NEDD4L: variants seen among roughly 807,000 people sequenced by gnomAD.
NEDD4L encodes the protein NEDD4 like E3 ubiquitin protein ligase.
NEDD4L carries 54 observed loss-of-function variants against 148.9 expected under a neutral mutation model. The ratio of observed to expected loss-of-function variants is 0.36; its 90% CI spans 0.29 to 0.45. The LOEUF (loss-of-function observed/expected upper bound fraction) is 0.45, where lower values mean the gene tolerates loss of function less well. Ranked by LOEUF, NEDD4L falls within the 20% of genes least tolerant of loss-of-function variation. The pLI, the probability that NEDD4L is intolerant of heterozygous loss-of-function variation, is 1.00. For missense variants in NEDD4L, 856 were observed against 1,233.8 expected, an observed-to-expected ratio of 0.69 and a Z score of 4.59; for synonymous variants, 433 against 440.7, an observed-to-expected ratio of 0.98 and a Z score of 0.22.
intron 5 of NEDD4L, among the ~76,000 whole-genome samples, chr18:58,267,406 A>G (rs1262212660): frequency 6.6e-6 from 1 of 152,072 alleles, no homozygotes; most frequent in Non-Finnish European, 1.5e-5. Context: ...ACAGTTCCCA[A>G]GGAACTTTGT....
intron 5 of NEDD4L, among the ~76,000 whole-genome samples, chr18:58,312,674 T>A (rs931360172): frequency 2.3e-5 from 3 of 132,378 alleles, no homozygotes; most frequent in African/African-American, 4.3e-5. Flanking sequence ...AAGACATTTT[T>A]TGTTTGTTTG....
intron 2 of NEDD4L, 31 bp downstream of exon 2, chr18:58,165,892 C>T (rs757614226): frequency 6.4e-7 from 1 of 1,552,258 alleles, no homozygotes; most frequent in Middle Eastern, 1.7e-4. Flanking sequence ...TTTCTGTGGA[C>T]TTCTGAAAAA....
At chr18:58,225,402 T>C (rs2044244237) in intron 2 of NEDD4L, among the ~76,000 whole-genome samples, 1 of 152,246 alleles carries the variant, frequency 6.6e-6, no homozygotes, top group Non-Finnish European at 1.5e-5. Flanking sequence ...TGTCCCGCCT[T>C]GGGCAGGGAG....
At chr18:58,191,344 G>T (rs1242352524) in intron 2 of NEDD4L, among the ~76,000 whole-genome samples, 2 of 152,164 alleles carry the variant, frequency 1.3e-5, no homozygotes, top group Non-Finnish European at 2.9e-5. Context: ...CTGATTAGAA[G>T]CCTAATCTCT....
At chr18:58,059,121 A>T (rs1161586021) in intron 1 of NEDD4L, among the ~76,000 whole-genome samples, 1 of 151,832 alleles carries the variant, frequency 6.6e-6, no homozygotes, top group African/African-American at 2.4e-5. Context: ...AAGAGATGGG[A>T]TCTCAGTATG....
chr18:58,072,234 T>C (rs182214088), intron 1 of NEDD4L, among the ~76,000 whole-genome samples: 136 of 152,272 alleles, frequency 8.9e-4, no homozygotes, highest in African/African-American at 2.4e-3. Flanking sequence ...CAAAATTTTA[T>C]AATTAACCTG....
chr18:58,210,728 G>C (rs1254075852), intron 2 of NEDD4L, among the ~76,000 whole-genome samples: 1 of 151,950 alleles, frequency 6.6e-6, no homozygotes, highest in Non-Finnish European at 1.5e-5. Flanking sequence ...ACATGGAAAG[G>C]TTCCCAGTTC....
At chr18:58,387,657 T>G (rs904714411) in intron 27 of NEDD4L, 159 bp downstream of exon 27, 1 of 846,096 alleles carries the variant, frequency 1.2e-6, no homozygotes. Flanking sequence ...TTTGCCAATG[T>G]GGTTCTATTA....
intron 1 of NEDD4L, among the ~76,000 whole-genome samples, chr18:58,138,125 C>T (rs575093112): frequency 2.0e-5 from 3 of 152,298 alleles, no homozygotes; most frequent in African/African-American, 7.2e-5. Context: ...TTGATGGCTC[C>T]TCTCTTTTTC....
At chr18:58,323,183 C>A in intron 7 of NEDD4L, 49 bp from the exon 8 acceptor site, 1 of 1,109,796 alleles carries the variant, frequency 9.0e-7, no homozygotes, top group Non-Finnish European at 1.4e-6. Context: ...TTTAAGTGTC[C>A]TTTGAAGTCA....
rs1345439367 is a variant in NEDD4L at position 58,253,204 on chromosome 18, C to G, written c.297+1150C>G. Among the ~76,000 whole-genome samples, 3 of 152,194 alleles carry G rather than the reference C, an allele frequency of 2.0e-5. No individual in the cohort carries two copies. The East Asian group carries it at 5.8e-4, about 29-fold the overall frequency. On this transcript the variant is annotated intron_variant, in intron 5 of 30. Coordinates refer to ENST00000400345, the MANE Select transcript of NEDD4L (RefSeq NM_001144967.3). ...GAGCCTTATACAATAACTCATTTAA[C>G]TCCTGTTGTTGTCGATGAGAAGAAC... is the stretch of plus-strand genomic sequence containing the variant.
intron 16 of NEDD4L, among the ~76,000 whole-genome samples, chr18:58,349,066 G>A (rs900869782): frequency 2.6e-5 from 4 of 152,070 alleles, no homozygotes; most frequent in Admixed American, 2.6e-4. Flanking sequence ...CAGAAGGAGT[G>A]GAGGGGAGCA....
chr18:58,085,962 G>A (rs2083737800), intron 1 of NEDD4L, among the ~76,000 whole-genome samples: 1 of 152,086 alleles, frequency 6.6e-6, no homozygotes, highest in African/African-American at 2.4e-5. Context: ...TTAAGGGATG[G>A]GTAGGATTCC....
At chr18:58,328,855 C>A in intron 9 of NEDD4L, 140 bp from the exon 10 acceptor site, 1 of 812,622 alleles carries the variant, frequency 1.2e-6, no homozygotes, top group African/African-American at 1.7e-5. Context: ...AGAATTCTCA[C>A]ATTGGATGAC....
intron 2 of NEDD4L, among the ~76,000 whole-genome samples, chr18:58,231,142 A>G (rs1385182516): frequency 6.6e-6 from 1 of 151,158 alleles, no homozygotes; most frequent in Admixed American, 6.6e-5. Context: ...CCAGCTACTC[A>G]CAGGGGCTGA....
At chr18:58,291,135 G>C (rs376441365) in intron 5 of NEDD4L, among the ~76,000 whole-genome samples, 1 of 149,062 alleles carries the variant, frequency 6.7e-6, no homozygotes, top group Non-Finnish European at 1.5e-5. Context: ...TGGTCACACA[G>C]AGAACCAGGC....
intron 13 of NEDD4L, among the ~76,000 whole-genome samples, chr18:58,336,405 G>A (rs943841557): frequency 4.0e-5 from 6 of 151,880 alleles, no homozygotes; most frequent in African/African-American, 9.7e-5. Context: ...GTGAAACCCC[G>A]TCTCTACTAA....
At chr18:58,055,876 T>G (rs1166691765) in intron 1 of NEDD4L, among the ~76,000 whole-genome samples, 3 of 152,240 alleles carry the variant, frequency 2.0e-5, no homozygotes, top group African/African-American at 4.8e-5. Context: ...GGAAATTGTC[T>G]CCTGTGATCA....
chr18:58,094,840 G>GGCTAAGAAATA (rs751121281), intron 1 of NEDD4L, among the ~76,000 whole-genome samples: 8 of 150,358 alleles, frequency 5.3e-5, no homozygotes, highest in Non-Finnish European at 1.0e-4. Flanking sequence ...TCCAAATTAC[G>GGCTAAGAAATA]GCTAAGAAAT....
Sources: gnomAD v4.1 joint callset for allele counts (sites outside exome capture counted in the v4.1 genomes callset) on GRCh38, gnomAD v4.1.1 for gene constraint, MANE v1.5 for transcripts, NCBI Gene and HGNC (gene_info 2026-07-23, HGNC 2026-07-21) for gene names.